TXNDC11: variants seen among roughly 807,000 people sequenced by gnomAD.
TXNDC11 encodes the protein thioredoxin domain containing 11.
A neutral mutation model predicts 78.0 loss-of-function variants in TXNDC11; 68 were observed. The ratio of observed to expected loss-of-function variants is 0.87; its 90% CI spans 0.72 to 1.07. TXNDC11 has a LOEUF of 1.07. TXNDC11 is among the 50% of genes least tolerant of loss of function. The pLI is 0.00. For synonymous variants in TXNDC11, 571 were observed against 495.2 expected, an observed-to-expected ratio of 1.15 and a Z score of -2.03; for missense variants, 1,389 against 1,221.8, an observed-to-expected ratio of 1.14 and a Z score of -2.04.
chr16:11,714,458 T>G (rs536698413), intron 5 of TXNDC11, among the ~76,000 whole-genome samples: 1 of 152,144 alleles, frequency 6.6e-6, no homozygotes, highest in Admixed American at 6.5e-5. Context: ...GCGAAAACGG[T>G]GAAACCCCGT....
chr16:11,710,681 C>T (rs116209885), intron 5 of TXNDC11, among the ~76,000 whole-genome samples: 45 of 152,294 alleles, frequency 3.0e-4, no homozygotes, highest in African/African-American at 1.1e-3. Flanking sequence ...AAAACCTCAT[C>T]TCTACAAAAA....
chr16:11,730,550 A>G, intron 4 of TXNDC11, 95 bp downstream of exon 4: 1 of 1,317,836 alleles, frequency 7.6e-7, no homozygotes, highest in Non-Finnish European at 1.1e-6. Flanking sequence ...GCTGCAATTC[A>G]GGAGGTATTT....
chr16:11,701,128 CTTTTTTTTTTTTTT>C (rs397855467), intron 5 of TXNDC11, among the ~76,000 whole-genome samples: 6 of 101,666 alleles, frequency 5.9e-5, no homozygotes, highest in Admixed American at 2.0e-4. Flanking sequence ...CCAATGTCCT[CTTTTTTTTTTTTTT>C]TTTTTTTTTT....
chr16:11,718,689 C>CA (rs1044300051), intron 5 of TXNDC11, among the ~76,000 whole-genome samples: 12 of 151,686 alleles, frequency 7.9e-5, no homozygotes, highest in East Asian at 1.9e-4. Context: ...AATTTAGCCA[C>CA]AAAAAAATGG....
intron 8 of TXNDC11, chr16:11,690,960 C>A (rs563786177): frequency 6.2e-6 from 2 of 325,046 alleles, no homozygotes; most frequent in Admixed American, 9.6e-5. Flanking sequence ...ACCTCCCTGC[C>A]TGTTCTAGTC....
chr16:11,732,102 T>G (rs549521190), intron 3 of TXNDC11, among the ~76,000 whole-genome samples: 1 of 152,154 alleles, frequency 6.6e-6, no homozygotes, highest in African/African-American at 2.4e-5. Flanking sequence ...GAGGCGGGCA[T>G]TTCAAGGTGC....
intron 1 of TXNDC11, 92 bp downstream of exon 1, chr16:11,742,385 C>T (rs2052427345): frequency 1.8e-6 from 2 of 1,106,156 alleles, no homozygotes; most frequent in African/African-American, 1.6e-5. Context: ...CCGACTTCCC[C>T]GGCTGAGGCC....
chr16:11,679,901 G>T lies in TXNDC11; in HGVS notation c.2235-64C>A. The T allele has an allele frequency of 7.0e-7, 1 of 1,429,894 alleles. No homozygotes were observed. Among genetic ancestry groups the T allele is most frequent in the Non-Finnish European group, 9.6e-7 (1 of 1,040,686 alleles). 88.6% of individuals were successfully genotyped at this position (1,429,894 alleles called of 1,614,324 possible). On this transcript the variant is annotated intron_variant, in intron 11 of 11. Transcript: ENST00000283033. This position sits in a 1 kb window ranked among gnomAD's most constrained non-coding sequence, Gnocchi z 4.6. ...ACCAACACAATGAGTCCAAAAGCAGGCTGTACCTGAGGCCAGGCCATCTAC... is the reference window on the plus strand; with the variant it reads ...ACCAACACAATGAGTCCAAAAGCAGTCTGTACCTGAGGCCAGGCCATCTAC...
intron 11 of TXNDC11, among the ~76,000 whole-genome samples, chr16:11,682,615 A>G (rs1260562597): frequency 1.3e-5 from 2 of 152,048 alleles, no homozygotes; most frequent in Non-Finnish European, 2.9e-5. Context: ...AGATTTTCAT[A>G]TTTTTTCAAA....
chr16:11,685,808 C>A (rs964911720), intron 10 of TXNDC11, among the ~76,000 whole-genome samples: 1 of 152,206 alleles, frequency 6.6e-6, no homozygotes, highest in African/African-American at 2.4e-5. Flanking sequence ...GGAGTGAACA[C>A]TATATTCCAT....
intron 5 of TXNDC11, among the ~76,000 whole-genome samples, chr16:11,704,671 G>C (rs868067108): frequency 6.6e-6 from 1 of 152,108 alleles, no homozygotes; most frequent in Non-Finnish European, 1.5e-5. Context: ...AGACAAAATT[G>C]AGCAATTTTC....
intron 10 of TXNDC11, among the ~76,000 whole-genome samples, chr16:11,685,270 G>A (rs1305037390): frequency 6.6e-6 from 1 of 152,180 alleles, no homozygotes; most frequent in Non-Finnish European, 1.5e-5. Context: ...AGAATCACCT[G>A]AACCTGGGAG....
intron 5 of TXNDC11, among the ~76,000 whole-genome samples, chr16:11,709,820 T>C (rs1468077270): frequency 2.6e-5 from 4 of 152,184 alleles, no homozygotes; most frequent in Non-Finnish European, 5.9e-5. Context: ...AAATAAACTG[T>C]AGTACTAAAT....
intron 5 of TXNDC11, chr16:11,703,521 C>T: frequency 2.0e-6 from 1 of 494,716 alleles, no homozygotes; most frequent in Non-Finnish European, 3.6e-6. Context: ...CACACACACA[C>T]ACACACACAC....
chr16:11,733,844 T>G (rs1225171135), intron 3 of TXNDC11, 138 bp downstream of exon 3: 1 of 633,776 alleles, frequency 1.6e-6, no homozygotes, highest in Non-Finnish European at 2.7e-6. Flanking sequence ...AGATCTTTCT[T>G]TTTTAATTTT....
chr16:11,736,947 C>T (rs1191330345), intron 1 of TXNDC11, among the ~76,000 whole-genome samples: 2 of 152,110 alleles, frequency 1.3e-5, no homozygotes, highest in Non-Finnish European at 2.9e-5. Flanking sequence ...CCATCAAGAC[C>T]TAAAGATCTA....
chr16:11,739,072 G>A (rs2052317205), intron 1 of TXNDC11, among the ~76,000 whole-genome samples: 1 of 152,114 alleles, frequency 6.6e-6, no homozygotes, highest in Admixed American at 6.5e-5. Context: ...AATGCAATCT[G>A]AGGAAAAATG....
intron 1 of TXNDC11, among the ~76,000 whole-genome samples, chr16:11,738,313 T>C (rs1486666570): frequency 1.3e-5 from 2 of 152,262 alleles, no homozygotes; most frequent in African/African-American, 4.8e-5. Flanking sequence ...GCTTTCAGTC[T>C]ATGCAGAATG....
At chr16:11,697,939 T>A (rs1329532960) in intron 7 of TXNDC11, among the ~76,000 whole-genome samples, 186 bp downstream of exon 7, 1 of 152,194 alleles carries the variant, frequency 6.6e-6, no homozygotes, top group East Asian at 1.9e-4. Flanking sequence ...GCTGCGGCAG[T>A]CCCTGTCCTA....
Sources: gnomAD v4.1 joint callset for allele counts (sites outside exome capture counted in the v4.1 genomes callset) on GRCh38, gnomAD v4.1.1 for gene constraint, Gnocchi (gnomAD v3.1) non-coding constraint, MANE v1.5 for transcripts, NCBI Gene and HGNC (gene_info 2026-07-23, HGNC 2026-07-21) for gene names.